PDZD9: variants seen among roughly 807,000 people sequenced by gnomAD.
PDZD9 encodes the protein PDZ domain containing 9.
A neutral mutation model predicts 16.3 loss-of-function variants in PDZD9; 13 were observed. The observed-to-expected ratio is 0.80, with a 90% CI of 0.52 to 1.27. The LOEUF is 1.27. Among genes scored for constraint, PDZD9 ranks in the 50% most tolerant of loss-of-function variants. The pLI, the probability that PDZD9 is intolerant of heterozygous loss-of-function variation, is 0.00. For missense variants in PDZD9, 288 were observed against 310.9 expected (o/e 0.93, Z 0.55); for synonymous variants, 120 against 111.0 (o/e 1.08, Z -0.51).
chr16:21,972,876 CG>C, the PDZD9 span, among the ~76,000 whole-genome samples: 370 of 152,230 alleles, frequency 2.4e-3, no homozygotes, highest in Non-Finnish European at 4.2e-3. Context: ...CCAAGTTGGG[CG>C]GATCACAAGG....
At chr16:21,975,530 T>C in the PDZD9 span, among the ~76,000 whole-genome samples, 7 of 152,092 alleles carry the variant, frequency 4.6e-5, no homozygotes, top group African/African-American at 1.7e-4. Flanking sequence ...AAAATCATGG[T>C]CAGATTTATT....
the PDZD9 span, among the ~76,000 whole-genome samples, chr16:21,967,511 A>G: frequency 2.0e-5 from 3 of 151,972 alleles, no homozygotes; most frequent in Non-Finnish European, 4.4e-5. Context: ...TTGAAAGTAC[A>G]TGTTTTAGCC....
the PDZD9 span, among the ~76,000 whole-genome samples, chr16:21,958,316 CT>C: frequency 6.6e-6 from 1 of 152,082 alleles, no homozygotes; most frequent in Non-Finnish European, 1.5e-5. Flanking sequence ...ATCCAGTAAG[CT>C]TGTATTTGAC....
At chr16:21,962,406 GA>G in the PDZD9 span, 1 of 1,600,840 alleles carries the variant, frequency 6.2e-7, no homozygotes, top group Non-Finnish European at 8.6e-7. Context: ...GATTATAAGG[GA>G]AAGCTTACTA....
downstream of PDZD9, among the ~76,000 whole-genome samples, chr16:21,978,913 G>A (rs1485012501): frequency 6.6e-6 from 1 of 152,116 alleles, no homozygotes; most frequent in Non-Finnish European, 1.5e-5. Context: ...AGCTGAAGTG[G>A]ATATCACAGA....
chr16:21,957,646 T>A, the PDZD9 span: 1 of 1,539,614 alleles, frequency 6.5e-7, no homozygotes, highest in Non-Finnish European at 8.7e-7. Flanking sequence ...AAGATCAATG[T>A]CTTTATATTT....
chr16:21,993,627 G>A (rs1055638406), intron 2 of PDZD9, among the ~76,000 whole-genome samples: 4 of 152,086 alleles, frequency 2.6e-5, no homozygotes, highest in African/African-American at 4.8e-5. Flanking sequence ...GTCCAAGAAC[G>A]ATTGAATCAA....
intron 2 of PDZD9, 76 bp from the exon 3 acceptor site, chr16:21,988,867 A>T: frequency 8.5e-7 from 1 of 1,182,684 alleles, no homozygotes; most frequent in Non-Finnish European, 1.1e-6. Context: ...CTTTATTGTG[A>T]GGTATTTCAT....
the PDZD9 span, chr16:21,968,714 G>A: frequency 6.3e-7 from 1 of 1,590,150 alleles, no homozygotes; most frequent in Non-Finnish European, 8.6e-7. Context: ...CTGCCTGTCA[G>A]TTTGCTTCCT....
chr16:21,983,272 C>A, downstream of PDZD9: 1 of 1,055,948 alleles, frequency 9.5e-7, no homozygotes, highest in Non-Finnish European at 1.4e-6. Flanking sequence ...TGTCTTTTTT[C>A]CAGTGAGGTA....
the PDZD9 span, chr16:21,972,141 T>C: frequency 6.2e-7 from 1 of 1,604,834 alleles, no homozygotes; most frequent in Non-Finnish European, 8.5e-7. Flanking sequence ...GAACAGTTGG[T>C]ATCTCTCTTT....
the PDZD9 span, among the ~76,000 whole-genome samples, chr16:21,957,797 C>A: frequency 6.6e-6 from 1 of 152,198 alleles, no homozygotes; most frequent in Non-Finnish European, 1.5e-5. Flanking sequence ...GCTGTGATCC[C>A]TCTAAAGGTT....
chr16:22,000,964 G>A, intron 1 of PDZD9, 53 bp downstream of exon 1: 1 of 1,516,628 alleles, frequency 6.6e-7, no homozygotes, highest in Non-Finnish European at 8.8e-7. Context: ...GAGGAACATT[G>A]ACGAAGGCTT....
chr16:21,988,881 A>T (rs1473245463), intron 2 of PDZD9, 90 bp from the exon 3 acceptor site: 14 of 827,854 alleles, frequency 1.7e-5, no homozygotes, highest in African/African-American at 1.9e-5. Context: ...ATTTCATTTT[A>T]TGGGTTCATA....
the PDZD9 span, among the ~76,000 whole-genome samples, chr16:21,970,924 TTAAG>T: frequency 2.0e-5 from 3 of 152,162 alleles, no homozygotes; most frequent in Non-Finnish European, 4.4e-5. Flanking sequence ...TTGCCCATTT[TTAAG>T]TTTTTTTTTT....
chr16:21,983,683 T>A (rs1466258290), downstream of PDZD9: 1 of 155,836 alleles, frequency 6.4e-6, no homozygotes, highest in Non-Finnish European at 1.4e-5. Flanking sequence ...ATTCATTCAT[T>A]TTTTTATGTC....
At chr16:21,972,462 G>A in the PDZD9 span, among the ~76,000 whole-genome samples, 6 of 152,126 alleles carry the variant, frequency 3.9e-5, no homozygotes, top group African/African-American at 1.2e-4. Flanking sequence ...TCTTCTGTCC[G>A]CTTCTGTTCT....
rs143591427 is a variant in PDZD9, at chr16:21,995,215, C to T, written c.211+1107G>A. ...ACCTCCCCCTACTCTCTCTTCCTCC[C>T]GCTCCAACCATGTAAGACATACCTC... On this transcript the variant is annotated intron_variant, in intron 2 of 3. Coordinates refer to ENST00000424898, the MANE Select transcript of PDZD9 (RefSeq NM_001363519.1). 112 of 458,250 alleles carry T rather than the reference C, an allele frequency of 2.4e-4. 3 individuals are homozygous for T. In the East Asian group the frequency reaches 7.2e-3, roughly 29 times the overall value. 28.4% of individuals were successfully genotyped at this position (458,250 alleles called of 1,614,324 possible). A position where few individuals can be genotyped will look rare whatever the true frequency, so the allele number is the denominator to read the frequency against.
chr16:21,969,643 G>A, the PDZD9 span, among the ~76,000 whole-genome samples: 1 of 152,054 alleles, frequency 6.6e-6, no homozygotes, highest in African/African-American at 2.4e-5. Context: ...AATATCATTT[G>A]TAATATTTTT....
Sources: allele counts gnomAD v4.1 joint callset (sites outside exome capture counted in the v4.1 genomes callset), GRCh38; gene constraint gnomAD v4.1.1; transcripts MANE v1.5; gene names NCBI Gene and HGNC (gene_info 2026-07-23, HGNC 2026-07-21).